The following FKBP5 variants were observed in gnomAD, a reference collection of about 807,000 sequenced individuals.
The protein encoded by FKBP5 is FKBP prolyl isomerase 5, also known as peptidyl-prolyl cis-trans isomerase FKBP5.
A neutral mutation model predicts 50.5 loss-of-function variants in FKBP5; 23 were observed. The ratio of observed to expected loss-of-function variants is 0.46; its 90% CI spans 0.33 to 0.65. FKBP5 has a LOEUF of 0.65. Ranked by LOEUF, FKBP5 falls within the 30% of genes least tolerant of loss-of-function variation. The pLI is 0.02. For synonymous variants in FKBP5, 176 were observed against 190.6 expected, an observed-to-expected ratio of 0.92 and a Z score of 0.63; for missense variants, 411 against 553.1, an observed-to-expected ratio of 0.74 and a Z score of 2.58.
chr6:35,692,094 C>T (rs1331455744), upstream of FKBP5, among the ~76,000 whole-genome samples: 4 of 152,334 alleles, frequency 2.6e-5, no homozygotes, highest in South Asian at 2.1e-4. Flanking sequence ...AAAAGCACTT[C>T]GCATTCACTA....
chr6:35,617,735 T>C (rs1385369260), intron 5 of FKBP5, among the ~76,000 whole-genome samples: 2 of 152,152 alleles, frequency 1.3e-5, no homozygotes, highest in African/African-American at 2.4e-5. Flanking sequence ...TGAAGAAAGA[T>C]TCTGGTCCTC....
intron 2 of FKBP5, among the ~76,000 whole-genome samples, chr6:35,702,742 G>T (rs549131845): frequency 3.3e-5 from 5 of 151,826 alleles, no homozygotes; most frequent in African/African-American, 1.2e-4. Flanking sequence ...ATGAGCCACC[G>T]CGCCCAGCCA....
intron 1 of FKBP5, among the ~76,000 whole-genome samples, chr6:35,667,059 A>G (rs1342309128): frequency 4.9e-5 from 7 of 143,780 alleles, no homozygotes; most frequent in East Asian, 2.0e-4. Context: ...GTGTGTGTGT[A>G]TACATAGATG....
At chr6:35,644,980 C>G (rs1328321819) in intron 1 of FKBP5, among the ~76,000 whole-genome samples, 1 of 152,098 alleles carries the variant, frequency 6.6e-6, no homozygotes, top group Admixed American at 6.6e-5. Flanking sequence ...GAAAGTACCC[C>G]ACAGATTACT....
At chr6:35,684,768 T>C (rs1765776347) in intron 1 of FKBP5, among the ~76,000 whole-genome samples, 1 of 152,174 alleles carries the variant, frequency 6.6e-6, no homozygotes, top group Non-Finnish European at 1.5e-5. Context: ...GGCTCGCACT[T>C]ATAATCCCAG....
intron 1 of FKBP5, among the ~76,000 whole-genome samples, chr6:35,686,464 T>G (rs753024859): frequency 3.9e-5 from 6 of 152,124 alleles, no homozygotes; most frequent in Non-Finnish European, 7.4e-5. Flanking sequence ...AATAAACAAC[T>G]AATTATTAAT....
intron 2 of FKBP5, 138 bp from the exon 3 acceptor site, chr6:35,637,296 C>T (rs1764340676): frequency 1.4e-6 from 1 of 711,168 alleles, no homozygotes; most frequent in Non-Finnish European, 2.3e-6. Flanking sequence ...TAATGCCTCC[C>T]TTCATTCCTC....
chr6:35,653,437 T>G (rs1443133939), intron 1 of FKBP5, among the ~76,000 whole-genome samples: 1 of 152,214 alleles, frequency 6.6e-6, no homozygotes, highest in Non-Finnish European at 1.5e-5. Flanking sequence ...AGTATTAATT[T>G]TGCATTCCAA....
At chr6:35,610,587 A>AAAAAAAAAG in intron 5 of FKBP5, among the ~76,000 whole-genome samples, 1 of 150,988 alleles carries the variant, frequency 6.6e-6, no homozygotes, top group African/African-American at 2.4e-5. Flanking sequence ...AAAAAAAAAA[A>AAAAAAAAAG]AAAAGTTTCA....
intron 3 of FKBP5, among the ~76,000 whole-genome samples, chr6:35,622,616 C>T (rs541651381): frequency 1.3e-5 from 2 of 152,170 alleles, no homozygotes; most frequent in South Asian, 4.1e-4. Context: ...TTATAAGTAA[C>T]TGTTACGTTT....
At chr6:35,589,003 G>C (rs1252290948) in intron 7 of FKBP5, among the ~76,000 whole-genome samples, 1 of 149,492 alleles carries the variant, frequency 6.7e-6, no homozygotes, top group Admixed American at 6.7e-5. Context: ...GCCTCCCAAA[G>C]TGCTGGGATT....
At chr6:35,704,561 C>T (rs890656889) in intron 2 of FKBP5, among the ~76,000 whole-genome samples, 1 of 150,832 alleles carries the variant, frequency 6.6e-6, no homozygotes, top group African/African-American at 2.5e-5. Flanking sequence ...CAGTGGGAGC[C>T]TCGGGAGAAA....
Position 35,597,280 on chromosome 6 carries a change from C to A in FKBP5, c.633G>T (p.Arg211=). 1 of 1,614,078 alleles carries A rather than the reference C, an allele frequency of 6.2e-7. No homozygotes were observed. The highest frequency in any genetic ancestry group is 8.5e-7 in the Non-Finnish European group (1 of 1,179,986). ...CAAGATATAAAATACATTGTTCTTC[C>A]CGCTGCATTTTCTCCAGAGCTTTGT... The part of the protein sequence containing the change: ...GIDKALEKMQ[R]EEQCILYLGP... The change falls in exon 6 of 11, where the codon CGG becomes CGT. Residue 211 remains arginine (R), a synonymous_variant. Coordinates refer to ENST00000357266, the MANE Select transcript of FKBP5 (RefSeq NM_004117.4).
intron 1 of FKBP5, among the ~76,000 whole-genome samples, chr6:35,662,664 T>C (rs1378547506): frequency 6.6e-6 from 1 of 152,142 alleles, no homozygotes; most frequent in Non-Finnish European, 1.5e-5. Flanking sequence ...TATATAAATA[T>C]ATAAGAGAAC....
Position 35,585,717 on chromosome 6 carries a change from T to C in FKBP5, c.840+1317A>G, listed in dbSNP as rs184966226. 38 of 957,888 alleles carry C rather than the reference T, an allele frequency of 4.0e-5. No homozygotes were observed. In the East Asian group the frequency reaches 1.4e-3, roughly 35 times the overall value. The allele number at this position is 957,888 out of a possible 1,614,324, so 59.3% of individuals were successfully genotyped here. A position where few individuals can be genotyped will look rare whatever the true frequency, so the allele number is the denominator to read the frequency against. ...TGAATACCACCCACAGTAAGAAATA[T>C]GCAATCCAGTACTTACTCATACACA... is the stretch of plus-strand genomic sequence containing the variant. On this transcript the variant is annotated intron_variant, in intron 8 of 10. Coordinates refer to ENST00000357266, the MANE Select transcript of FKBP5 (RefSeq NM_004117.4).
chr6:35,709,184 C>T (rs897074295), intron 2 of FKBP5, among the ~76,000 whole-genome samples: 1 of 152,074 alleles, frequency 6.6e-6, no homozygotes, highest in Non-Finnish European at 1.5e-5. Flanking sequence ...TCACATCTTA[C>T]GTGGATATTG....
At chr6:35,679,614 C>G (rs2151009425) in intron 1 of FKBP5, among the ~76,000 whole-genome samples, 1 of 152,254 alleles carries the variant, frequency 6.6e-6, no homozygotes, top group East Asian at 1.9e-4. Flanking sequence ...GAAATAATGT[C>G]TTTTACAACA....
chr6:35,629,728 A>T (rs958602559), intron 3 of FKBP5, among the ~76,000 whole-genome samples: 18 of 152,172 alleles, frequency 1.2e-4, no homozygotes, highest in Admixed American at 1.0e-3. Context: ...GGAGTGAGAA[A>T]TTTGCTCAGC....
intron 1 of FKBP5, among the ~76,000 whole-genome samples, chr6:35,662,572 T>A (rs1765102733): frequency 6.6e-6 from 1 of 151,900 alleles, no homozygotes; most frequent in South Asian, 2.1e-4. Flanking sequence ...ATGTGAGCCA[T>A]CACGCCTGGC....
Sources: allele counts gnomAD v4.1 joint callset (sites outside exome capture counted in the v4.1 genomes callset), GRCh38; gene constraint gnomAD v4.1.1; transcripts MANE v1.5; gene names NCBI Gene and HGNC (gene_info 2026-07-23, HGNC 2026-07-21).